Variants in POLR2F observed in about 807,000 individuals in gnomAD.
The protein encoded by POLR2F is DNA-directed RNA polymerases I, II, and III subunit RPABC2.
In POLR2F, 12 loss-of-function variants were observed where a neutral mutation model predicts 22.7. The ratio of observed to expected loss-of-function variants is 0.53; its 90% confidence interval spans 0.34 to 0.86. The LOEUF is 0.86. Ranked by LOEUF, POLR2F falls within the 40% of genes least tolerant of loss-of-function variation. The pLI, the probability that POLR2F is intolerant of heterozygous loss-of-function variation, is 0.02. For synonymous variants in POLR2F, 57 were observed against 66.0 expected (o/e 0.86, Z 0.66); for missense variants, 126 against 171.5 (o/e 0.73, Z 1.48).
At chr22:37,967,233 G>T in intron 4 of POLR2F, 63 bp downstream of exon 4, 1 of 1,603,790 alleles carries the variant, frequency 6.2e-7, no homozygotes, top group Non-Finnish European at 8.5e-7. Flanking sequence ...TGGGCTCTCT[G>T]TTGCACCCTT....
In POLR2F at chr22:37,997,518, A is replaced by C. The variant is rs1267794694; in HGVS notation, c.120+11206A>C. On this transcript the variant is annotated intron_variant, in intron 1 of 2. Transcript: ENST00000333418. This position sits in a 1 kb window ranked among gnomAD's most constrained non-coding sequence, Gnocchi z 4.4. Reference sequence around the variant, plus strand: ...AATTTCTCTGTCTCTGTCCTGTGCCACCTCTCATCTGCCCTGCCTCTGTAA... The same window carrying C: ...AATTTCTCTGTCTCTGTCCTGTGCCCCCTCTCATCTGCCCTGCCTCTGTAA... 6.6e-6 allele frequency among the ~76,000 whole-genome samples: 1 copy of C among 151,112 alleles called. No individual in the cohort carries two copies. The highest frequency in any genetic ancestry group is 1.5e-5 in the Non-Finnish European group (1 of 67,748).
intron 1 of POLR2F, among the ~76,000 whole-genome samples, chr22:38,024,498 T>C (rs2084989307): frequency 1.3e-5 from 2 of 152,170 alleles, no homozygotes; most frequent in South Asian, 4.1e-4. Context: ...GTCTTAGGGA[T>C]CACGGTTTTG....
intron 2 of POLR2F, 96 bp downstream of exon 2, chr22:37,956,938 G>C: frequency 1.1e-6 from 1 of 948,684 alleles, no homozygotes; most frequent in Middle Eastern, 2.1e-4. Context: ...TTCTATTTGT[G>C]GTCAAGGCCC....
intron 1 of POLR2F, among the ~76,000 whole-genome samples, chr22:38,024,208 T>C (rs1368292807): frequency 6.6e-6 from 1 of 152,136 alleles, no homozygotes; most frequent in Non-Finnish European, 1.5e-5. Context: ...TATTTGTTCT[T>C]TTATTTCTAG....
chr22:38,012,184 C>G (rs988273047), intron 1 of POLR2F, among the ~76,000 whole-genome samples: 1 of 151,246 alleles, frequency 6.6e-6, no homozygotes, highest in Non-Finnish European at 1.5e-5. Flanking sequence ...TGGGTTCAAG[C>G]GATTCTTGTG....
intron 1 of POLR2F, among the ~76,000 whole-genome samples, chr22:38,010,775 A>C (rs139902): frequency 0.72 from 109,222 of 151,580 alleles, 40,732 homozygotes; most frequent in African/African-American, 0.92. Flanking sequence ...CCCCACCACG[A>C]CCAGCTAATT....
At chr22:38,005,309 G>A (rs900588311) in intron 1 of POLR2F, among the ~76,000 whole-genome samples, 1 of 152,222 alleles carries the variant, frequency 6.6e-6, no homozygotes, top group Non-Finnish European at 1.5e-5. Context: ...TGTTTTAGTA[G>A]AGTCAGGGTT....
chr22:37,956,893 G>C, intron 2 of POLR2F, 51 bp downstream of exon 2: 1 of 1,379,798 alleles, frequency 7.2e-7, no homozygotes, highest in South Asian at 1.2e-5. Context: ...CTGCCAAATC[G>C]TCTGACAGGT....
downstream of POLR2F, among the ~76,000 whole-genome samples, chr22:38,028,007 C>G (rs2085030265): frequency 1.3e-5 from 2 of 152,330 alleles, no homozygotes; most frequent in African/African-American, 4.8e-5. Flanking sequence ...GATCATCCAG[C>G]TAGCCCTTAG....
At chr22:37,991,580 A>G (rs1438131635) in intron 1 of POLR2F, among the ~76,000 whole-genome samples, 1 of 152,160 alleles carries the variant, frequency 6.6e-6, no homozygotes, top group Non-Finnish European at 1.5e-5. Context: ...ACCTATTAAC[A>G]TCTTGTAGAG....
chr22:37,975,086 A>G (rs1231224952), intron 4 of POLR2F, among the ~76,000 whole-genome samples: 3 of 152,196 alleles, frequency 2.0e-5, no homozygotes, highest in African/African-American at 7.2e-5. Context: ...ATGGGAGGGC[A>G]CTTAGAAAAC....
At chr22:37,984,997 G>C (rs2145779846), upstream of POLR2F, 1 of 152,638 alleles carries the variant, frequency 6.6e-6, no homozygotes, top group East Asian at 1.9e-4. The surrounding 1 kb of genome is among the most constrained non-coding windows in gnomAD (Gnocchi z 4.4). Flanking sequence ...TGAGTGCCTA[G>C]TGTGTGCCAG....
intron 1 of POLR2F, among the ~76,000 whole-genome samples, chr22:37,993,487 G>A (rs528181856): frequency 2.0e-5 from 3 of 152,230 alleles, no homozygotes; most frequent in South Asian, 2.1e-4. Context: ...GATCCTCCTC[G>A]CCGACATAAG....
At chr22:37,983,404 C>G, upstream of POLR2F, 1 of 1,610,288 alleles carries the variant, frequency 6.2e-7, no homozygotes, top group Non-Finnish European at 8.5e-7. The surrounding 1 kb of genome is among the most constrained non-coding windows in gnomAD (Gnocchi z 9.5). Flanking sequence ...TGTGCAGGTG[C>G]GGGTACTGGT....
downstream of POLR2F, among the ~76,000 whole-genome samples, chr22:38,031,122 C>T (rs544054592): frequency 6.6e-5 from 10 of 152,214 alleles, no homozygotes; most frequent in African/African-American, 2.4e-4. This position sits in a 1 kb window ranked among gnomAD's most constrained non-coding sequence, Gnocchi z 4.1. Flanking sequence ...ACTCCTACTA[C>T]TCTGTCAGGC....
At chr22:38,033,019 C>T (rs547018960) in intron 5 of POLR2F, 1 of 167,174 alleles carries the variant, frequency 6.0e-6, no homozygotes, top group East Asian at 1.9e-4. Context: ...CATGACCTCC[C>T]AACCTGTGAC....
intron 1 of POLR2F, among the ~76,000 whole-genome samples, chr22:37,991,625 G>A (rs902001196): frequency 1.3e-5 from 2 of 152,126 alleles, no homozygotes; most frequent in African/African-American, 4.8e-5. Context: ...CTGTTCTGGA[G>A]AGGACATAGT....
At chr22:37,994,416 C>G (rs1020456173) in intron 1 of POLR2F, among the ~76,000 whole-genome samples, 1 of 152,202 alleles carries the variant, frequency 6.6e-6, no homozygotes, top group African/African-American at 2.4e-5. Context: ...GGTGCCATCA[C>G]GGCTCACTGC....
chr22:38,023,864 C>T (rs1057382114), intron 1 of POLR2F, among the ~76,000 whole-genome samples: 1 of 116,228 alleles, frequency 8.6e-6, no homozygotes, highest in East Asian at 2.7e-4. Context: ...TTTTTTGATA[C>T]GGATTCTCAC....
Sources: allele counts gnomAD v4.1 joint callset (sites outside exome capture counted in the v4.1 genomes callset), GRCh38; gene constraint gnomAD v4.1.1; non-coding constraint Gnocchi (gnomAD v3.1); transcripts MANE v1.5; gene names NCBI Gene and HGNC (gene_info 2026-07-23, HGNC 2026-07-21).